PCDH7: variants seen among roughly 807,000 people sequenced by gnomAD.
The protein encoded by PCDH7 is protocadherin-7.
A neutral mutation model predicts 58.9 loss-of-function variants in PCDH7; 17 were observed. The ratio of observed to expected loss-of-function variants is 0.29; its 90% CI spans 0.20 to 0.43. PCDH7 has a LOEUF of 0.43. Among genes scored for constraint, PCDH7 ranks in the 20% least tolerant of loss-of-function variants. The probability of loss-of-function intolerance (pLI) is 1.00; values close to 1 mark genes in which losing one functional copy is unlikely to be tolerated. For synonymous variants in PCDH7, 664 were observed against 616.4 expected (o/e 1.08, Z -1.14); for missense variants, 1,274 against 1,441.0 (o/e 0.88, Z 1.88).
In PCDH7 at chr4:30,723,983, C is replaced by G; in HGVS notation, c.2561C>G (p.Ala854Gly). 6.2e-7 allele frequency: 1 copy of G among 1,614,148 alleles called. No homozygotes were observed. Among genetic ancestry groups the G allele is most frequent in the African/African-American group, 1.3e-5 (1 of 75,030 alleles). Residue 854 changes from alanine to glycine, a missense_variant, in exon 1 of 2, where the codon GCT becomes GGT. Ala to Gly is a moderately conservative substitution (Grantham distance 60). Coordinates refer to ENST00000361762, the Ensembl canonical transcript of PCDH7. This position sits in a 1 kb window ranked among gnomAD's most constrained non-coding sequence, Gnocchi z 4.6. ...GCAACTGCGATTGACTCCCAGATAG[C>G]TAGAAGTTTGCACATCCCACTCACC...
In PCDH7 at chr4:31,028,160, G is replaced by A. The variant is rs73113487; in HGVS notation, c.*7+77945G>A. On this transcript the variant is annotated intron_variant, in intron 3 of 3. Coordinates refer to the PCDH7 transcript ENST00000509759. The stretch of plus-strand genomic sequence containing the variant: ...CTTTGAGTAGCCTTAAATAATGTCC[G>A]CTGACATAGCTATAGTGATATTAGG... Among the ~76,000 whole-genome samples the A allele has an allele frequency of 4.8e-3, 735 of 151,986 alleles. 8 individuals carry two copies. Among genetic ancestry groups the A allele is most frequent in the African/African-American group, 0.017 (694 of 41,444 alleles).
intron 1 of PCDH7, among the ~76,000 whole-genome samples, chr4:30,908,621 C>T (rs1015450825): frequency 5.3e-5 from 8 of 152,134 alleles, no homozygotes; most frequent in South Asian, 4.1e-4. Flanking sequence ...ATAACAAGTT[C>T]TGAAATTGAG....
chr4:31,076,135 G>C (rs923289525), intron 3 of PCDH7, among the ~76,000 whole-genome samples: 1 of 152,138 alleles, frequency 6.6e-6, no homozygotes, highest in Non-Finnish European at 1.5e-5. Flanking sequence ...AAGCCAGGCT[G>C]TTTTTGAAGC....
At chr4:30,748,760 G>A (rs1245081262) in intron 1 of PCDH7, among the ~76,000 whole-genome samples, 1 of 152,138 alleles carries the variant, frequency 6.6e-6, no homozygotes, top group South Asian at 2.1e-4. Context: ...TGGCCATTCA[G>A]GGGTGTTGTG....
chr4:30,946,912 A>G (rs1272864508), intron 2 of PCDH7, among the ~76,000 whole-genome samples: 1 of 151,950 alleles, frequency 6.6e-6, no homozygotes. Context: ...GGGTTTTCCC[A>G]TGTTAGCCAG....
chr4:30,788,537 C>T (rs1723709838), intron 1 of PCDH7, among the ~76,000 whole-genome samples: 1 of 151,348 alleles, frequency 6.6e-6, no homozygotes, highest in Non-Finnish European at 1.5e-5. Flanking sequence ...TTTTTGTGAC[C>T]AAAATAATAA....
At chr4:31,048,557 A>T (rs554489689) in intron 3 of PCDH7, among the ~76,000 whole-genome samples, 1 of 152,224 alleles carries the variant, frequency 6.6e-6, no homozygotes, top group Admixed American at 6.6e-5. Flanking sequence ...CTATTCATTT[A>T]TGCAAGGACA....
At chr4:30,817,198 A>G (rs1432405813) in intron 1 of PCDH7, among the ~76,000 whole-genome samples, 3 of 152,196 alleles carry the variant, frequency 2.0e-5, no homozygotes, top group East Asian at 3.9e-4. Flanking sequence ...TTTACTTGCT[A>G]TGGGACCTTA....
chr4:30,881,881 A>T (rs765594082), intron 1 of PCDH7, among the ~76,000 whole-genome samples: 2 of 152,104 alleles, frequency 1.3e-5, no homozygotes, highest in Non-Finnish European at 2.9e-5. Flanking sequence ...TTTCAATTTA[A>T]TTATTTATTT....
At chr4:31,081,061 C>T (rs1243039153) in intron 3 of PCDH7, among the ~76,000 whole-genome samples, 1 of 152,158 alleles carries the variant, frequency 6.6e-6, no homozygotes, top group African/African-American at 2.4e-5. Context: ...TTCTTTATAA[C>T]CTACCCAGTC....
intron 3 of PCDH7, among the ~76,000 whole-genome samples, chr4:30,978,579 T>A (rs1463625796): frequency 6.6e-6 from 1 of 152,150 alleles, no homozygotes; most frequent in East Asian, 1.9e-4. Flanking sequence ...CTCAGGCAAG[T>A]TTTAAACTTT....
chr4:31,084,094 T>C (rs1172246887), intron 3 of PCDH7, among the ~76,000 whole-genome samples: 1 of 152,218 alleles, frequency 6.6e-6, no homozygotes, highest in African/African-American at 2.4e-5. Flanking sequence ...ATTTGATGTA[T>C]AGTTTTGATG....
At chr4:31,120,441 C>CTTTTTTTTTTTTTTTTTTTTTT (rs138878762) in intron 3 of PCDH7, among the ~76,000 whole-genome samples, 5 of 107,978 alleles carry the variant, frequency 4.6e-5, no homozygotes, top group Admixed American at 9.5e-5. Flanking sequence ...CTATTTTTTT[C>CTTTTTTTTTTTTTTTTTTTTTT]TTTTTTTTTT....
chr4:30,752,135 CT>C (rs970935901), intron 1 of PCDH7, among the ~76,000 whole-genome samples: 3 of 150,812 alleles, frequency 2.0e-5, no homozygotes, highest in East Asian at 2.0e-4. Flanking sequence ...CTTTCTTTCC[CT>C]TTTTTTTTCC....
At chr4:30,966,749 G>C (rs376626122) in intron 3 of PCDH7, among the ~76,000 whole-genome samples, 12 of 151,948 alleles carry the variant, frequency 7.9e-5, no homozygotes, top group African/African-American at 2.7e-4. Flanking sequence ...TTGCAAATAG[G>C]GAACAAAACT....
At chr4:31,028,885 T>C (rs4395462) in intron 3 of PCDH7, among the ~76,000 whole-genome samples, 151,750 of 152,270 alleles carry the variant, frequency 1, 75,617 homozygotes, top group East Asian at 1. Flanking sequence ...TATTGTGTCA[T>C]AAAAGCGATT....
intron 3 of PCDH7, among the ~76,000 whole-genome samples, chr4:31,060,488 G>T (rs549480047): frequency 2.0e-5 from 3 of 151,666 alleles, no homozygotes; most frequent in African/African-American, 4.8e-5. Context: ...TCCCTTGAGG[G>T]GACAGTTTTC....
intron 1 of PCDH7, among the ~76,000 whole-genome samples, chr4:30,803,875 A>G (rs1725845800): frequency 6.6e-6 from 1 of 152,208 alleles, no homozygotes; most frequent in Non-Finnish European, 1.5e-5. Context: ...GAAAGGGGAA[A>G]TCCAAGAGAA....
intron 3 of PCDH7, among the ~76,000 whole-genome samples, chr4:31,116,026 G>A (rs1036253657): frequency 6.6e-6 from 1 of 152,136 alleles, no homozygotes; most frequent in Non-Finnish European, 1.5e-5. Context: ...GGGAGCTATA[G>A]AATATATTAA....
Sources: allele counts gnomAD v4.1 joint callset (sites outside exome capture counted in the v4.1 genomes callset), GRCh38; gene constraint gnomAD v4.1.1; non-coding constraint Gnocchi (gnomAD v3.1); transcripts MANE v1.5; gene names NCBI Gene and HGNC (gene_info 2026-07-23, HGNC 2026-07-21).